UBAP2L: variants seen among roughly 807,000 people sequenced by gnomAD.
UBAP2L encodes the protein ubiquitin-associated protein 2-like.
A neutral mutation model predicts 130.6 loss-of-function variants in UBAP2L; 12 were observed. That is an observed-to-expected ratio of 0.09 (90% CI 0.06 to 0.15). The LOEUF is 0.15. UBAP2L is among the 10% of genes least tolerant of loss of function. UBAP2L has a pLI of 1.00. For synonymous variants in UBAP2L, 503 were observed against 524.7 expected (o/e 0.96, Z 0.57); for missense variants, 965 against 1,332.5 (o/e 0.72, Z 4.29).
At chr1:154,237,913 C>T (rs1672207724) in intron 8 of UBAP2L, among the ~76,000 whole-genome samples, 1 of 152,198 alleles carries the variant, frequency 6.6e-6, no homozygotes, top group African/African-American at 2.4e-5. Context: ...AAGAGCAGTT[C>T]ATTTTAGTAA....
chr1:154,250,828 C>G (rs1274760319), intron 12 of UBAP2L, among the ~76,000 whole-genome samples: 1 of 127,964 alleles, frequency 7.8e-6, no homozygotes, highest in Non-Finnish European at 1.6e-5. Context: ...GCCTGGGTGA[C>G]AGAGCAAGAC....
chr1:154,235,151 G>GTTT (rs201031131), intron 5 of UBAP2L, 45 bp from the exon 6 acceptor site: 1 of 712,312 alleles, frequency 1.4e-6, no homozygotes, highest in Non-Finnish European at 2.6e-6. Flanking sequence ...CTGTGGTTTG[G>GTTT]TTTTTTTGTT....
chr1:154,229,507 C>T (rs909100517), intron 4 of UBAP2L, among the ~76,000 whole-genome samples: 7 of 151,994 alleles, frequency 4.6e-5, no homozygotes, highest in African/African-American at 1.7e-4. Context: ...CAGGGTCTTA[C>T]TCTGTGGCCC....
At chr1:154,263,193 A>AAT in intron 24 of UBAP2L, 1 of 1,550,192 alleles carries the variant, frequency 6.5e-7, no homozygotes, top group Non-Finnish European at 8.7e-7. Flanking sequence ...GTGTGTGTAT[A>AAT]AATTTGCACT....
chr1:154,250,062 C>CT (rs1677001543), intron 12 of UBAP2L, among the ~76,000 whole-genome samples: 1 of 152,030 alleles, frequency 6.6e-6, no homozygotes, highest in Non-Finnish European at 1.5e-5. Flanking sequence ...TTGATAGGTT[C>CT]TTGCGACTTT....
chr1:154,240,733 T>C (rs1442382884), intron 8 of UBAP2L, among the ~76,000 whole-genome samples: 1 of 152,088 alleles, frequency 6.6e-6, no homozygotes, highest in African/African-American at 2.4e-5. Flanking sequence ...CTAACCATTA[T>C]GTGGTAACCA....
intron 23 of UBAP2L, 126 bp downstream of exon 23, chr1:154,261,235 T>A: frequency 8.8e-7 from 1 of 1,140,048 alleles, no homozygotes; most frequent in Non-Finnish European, 1.2e-6. Flanking sequence ...CTCTGGCCTG[T>A]TTTTGGCCTG....
intron 24 of UBAP2L, among the ~76,000 whole-genome samples, chr1:154,266,215 C>T (rs747366790): frequency 1.5e-4 from 23 of 152,118 alleles, no homozygotes; most frequent in Non-Finnish European, 3.1e-4. Flanking sequence ...GTTTTGAAAA[C>T]AGTGTATGCT....
chr1:154,229,912 A>C (rs530466850), intron 4 of UBAP2L, among the ~76,000 whole-genome samples: 94 of 152,124 alleles, frequency 6.2e-4, no homozygotes, highest in African/African-American at 2.1e-3. Context: ...GCTGGAGTGC[A>C]GTGGCGTGAA....
chr1:154,260,110 G>A (rs1681038483), intron 22 of UBAP2L, 81 bp downstream of exon 22: 7 of 1,437,430 alleles, frequency 4.9e-6, no homozygotes, highest in East Asian at 2.3e-5. Flanking sequence ...GTAGCAAGAA[G>A]GGATGTGATA....
intron 11 of UBAP2L, 57 bp downstream of exon 11, chr1:154,246,432 T>TA: frequency 6.5e-7 from 1 of 1,535,584 alleles, no homozygotes; most frequent in Non-Finnish European, 8.8e-7. Flanking sequence ...CTAGCACACA[T>TA]ACACAGTTCC....
At chr1:154,247,973 T>A (rs956811836) in intron 11 of UBAP2L, among the ~76,000 whole-genome samples, 19 of 150,532 alleles carry the variant, frequency 1.3e-4, no homozygotes, top group Non-Finnish European at 2.1e-4. Context: ...TATTTATTTT[T>A]TATTTTTTTT....
At chr1:154,240,541 A>T (rs1673186013) in intron 8 of UBAP2L, among the ~76,000 whole-genome samples, 1 of 152,140 alleles carries the variant, frequency 6.6e-6, no homozygotes, top group Admixed American at 6.6e-5. Context: ...CTGATTTTTC[A>T]GTCTTGTTCA....
At chr1:154,237,248 G>C (rs1558147417) in intron 8 of UBAP2L, 112 bp downstream of exon 8, 2 of 949,188 alleles carry the variant, frequency 2.1e-6, no homozygotes, top group Non-Finnish European at 3.3e-6. Flanking sequence ...ATGGAGATAG[G>C]GTGAGAAAGG....
chr1:154,230,486 T>C (rs1558127260), intron 4 of UBAP2L, among the ~76,000 whole-genome samples: 1 of 152,258 alleles, frequency 6.6e-6, no homozygotes, highest in South Asian at 2.1e-4. Flanking sequence ...GTTGACCTTA[T>C]TTGAATATTT....
intron 24 of UBAP2L, among the ~76,000 whole-genome samples, chr1:154,263,807 A>G (rs1465714515): frequency 6.6e-6 from 1 of 152,190 alleles, no homozygotes; most frequent in Non-Finnish European, 1.5e-5. Flanking sequence ...AGGACAAAAA[A>G]GTTTGGAGTG....
upstream of UBAP2L, chr1:154,220,771 T>G: frequency 4.1e-6 from 1 of 241,750 alleles, no homozygotes; most frequent in Non-Finnish European, 8.2e-6. Flanking sequence ...CGGAAAGAGG[T>G]GTCTCGTGGC....
intron 8 of UBAP2L, among the ~76,000 whole-genome samples, chr1:154,240,811 G>T (rs1673273612): frequency 6.6e-6 from 1 of 151,050 alleles, no homozygotes; most frequent in South Asian, 2.1e-4. Context: ...TCTTATACTA[G>T]ATAAATAGGT....
chr1:154,255,074 T>C (rs1261746759), intron 16 of UBAP2L, 78 bp from the exon 17 acceptor site: 1 of 1,508,328 alleles, frequency 6.6e-7, no homozygotes, highest in African/African-American at 1.4e-5. Context: ...TCTTTGGAAC[T>C]GCCTTGGACT....
Sources: allele counts gnomAD v4.1 joint callset (sites outside exome capture counted in the v4.1 genomes callset), GRCh38; gene constraint gnomAD v4.1.1; transcripts MANE v1.5; gene names NCBI Gene and HGNC (gene_info 2026-07-23, HGNC 2026-07-21).